Variants in PRRX1 observed in about 807,000 individuals in gnomAD.
The protein encoded by PRRX1 is paired mesoderm homeobox protein 1.
In PRRX1, 8 loss-of-function variants were observed where a neutral mutation model predicts 24.0. The ratio of observed to expected loss-of-function variants is 0.33; its 90% CI spans 0.20 to 0.60. The LOEUF is 0.60. Among genes scored for constraint, PRRX1 ranks in the 20% least tolerant of loss-of-function variants. The probability of loss-of-function intolerance (pLI) is 0.82; values close to 1 mark genes in which losing one functional copy is unlikely to be tolerated. For synonymous variants in PRRX1, 160 were observed against 131.7 expected (o/e 1.22, Z -1.47); for missense variants, 281 against 322.4 (o/e 0.87, Z 0.98).
At chr1:170,722,590 A>T (rs1363896509) in intron 2 of PRRX1, 1 of 152,184 alleles carries the variant, frequency 6.6e-6, no homozygotes, top group Non-Finnish European at 1.5e-5. Context: ...GGAAGGAATG[A>T]TCCAATCTGC....
At chr1:170,716,107 T>C (rs910980423) in intron 1 of PRRX1, among the ~76,000 whole-genome samples, 3 of 152,148 alleles carry the variant, frequency 2.0e-5, no homozygotes, top group Non-Finnish European at 4.4e-5. Context: ...ATTTCATGGG[T>C]TTCATTAGAT....
At chr1:170,722,876 G>A (rs929518858) in intron 2 of PRRX1, among the ~76,000 whole-genome samples, 1 of 152,166 alleles carries the variant, frequency 6.6e-6, no homozygotes, top group African/African-American at 2.4e-5. Flanking sequence ...TATCCGGTGT[G>A]AATATTTTTA....
intron 1 of PRRX1, among the ~76,000 whole-genome samples, chr1:170,692,818 T>C (rs187982529): frequency 6.6e-6 from 1 of 152,006 alleles, no homozygotes; most frequent in East Asian, 1.9e-4. Flanking sequence ...CTGAGACTTC[T>C]AGAATTTTTA....
intron 1 of PRRX1, among the ~76,000 whole-genome samples, chr1:170,707,852 G>A (rs1464813765): frequency 6.6e-6 from 1 of 152,062 alleles, no homozygotes; most frequent in East Asian, 1.9e-4. Flanking sequence ...TTAAAAATTG[G>A]AAAATTTTTA....
intron 1 of PRRX1, among the ~76,000 whole-genome samples, chr1:170,706,952 G>A (rs1654588430): frequency 6.6e-6 from 1 of 151,586 alleles, no homozygotes; most frequent in Admixed American, 6.6e-5. Context: ...AACATAGTGA[G>A]ACCCCAAACC....
intron 1 of PRRX1, among the ~76,000 whole-genome samples, chr1:170,672,572 T>C (rs1286819023): frequency 3.3e-5 from 5 of 152,180 alleles, no homozygotes; most frequent in Non-Finnish European, 7.3e-5. Flanking sequence ...TAAAAACAGA[T>C]GGGTGATCCC....
intron 1 of PRRX1, among the ~76,000 whole-genome samples, chr1:170,714,358 C>T (rs1654840492): frequency 6.6e-6 from 1 of 152,128 alleles, no homozygotes; most frequent in Non-Finnish European, 1.5e-5. Context: ...TTGTTCAATG[C>T]CCATAAAATG....
intron 1 of PRRX1, among the ~76,000 whole-genome samples, chr1:170,681,489 C>T (rs982101847): frequency 2.7e-4 from 33 of 122,050 alleles, no homozygotes; most frequent in African/African-American, 1.1e-3. Flanking sequence ...AAAATGTTAT[C>T]TTTGCAAAAA....
At chr1:170,686,509 A>G (rs1016201149) in intron 1 of PRRX1, among the ~76,000 whole-genome samples, 1 of 152,296 alleles carries the variant, frequency 6.6e-6, no homozygotes, top group East Asian at 1.9e-4. Context: ...GTGACCTGCC[A>G]AGGTCAGCAA....
At chr1:170,722,194 T>C (rs1395611145) in intron 2 of PRRX1, among the ~76,000 whole-genome samples, 1 of 152,142 alleles carries the variant, frequency 6.6e-6, no homozygotes, top group Non-Finnish European at 1.5e-5. Flanking sequence ...AGCCTACCTT[T>C]TCCCAGTCTG....
intron 1 of PRRX1, among the ~76,000 whole-genome samples, chr1:170,691,494 TCC>T (rs1653949438): frequency 7.0e-6 from 1 of 143,238 alleles, no homozygotes; most frequent in Non-Finnish European, 1.6e-5. Flanking sequence ...TCCTTTCCTT[TCC>T]TTTCCTTTCC....
At chr1:170,718,214 G>C (rs574473718) in intron 1 of PRRX1, among the ~76,000 whole-genome samples, 2 of 152,262 alleles carry the variant, frequency 1.3e-5, no homozygotes, top group South Asian at 4.1e-4. Flanking sequence ...ACTATATCTG[G>C]GTGCTTTAAT....
At chr1:170,734,507 T>C (rs1655543702) in intron 3 of PRRX1, among the ~76,000 whole-genome samples, 1 of 152,140 alleles carries the variant, frequency 6.6e-6, no homozygotes, top group Admixed American at 6.6e-5. Flanking sequence ...AAAAGTTTAG[T>C]GTGTTATAAA....
Position 170,666,791 on chromosome 1 carries a change from G to A in PRRX1, c.241+2332G>A, listed in dbSNP as rs77019107. 9.4e-3 allele frequency among the ~76,000 whole-genome samples: 1,434 copies of A among 152,218 alleles called. 22 individuals are homozygous for A. Among genetic ancestry groups the A allele is most frequent in the African/African-American group, 0.033 (1,373 of 41,540 alleles). ...ACCGGTTGTTTGGCTCTGAGTGGAC[G>A]CCACTCCCAAGAAGGGAGCTCGGGA... On this transcript the variant is annotated intron_variant, in intron 1 of 3. Transcript: ENST00000239461.
At chr1:170,731,491 T>G (rs992567749) in intron 3 of PRRX1, among the ~76,000 whole-genome samples, 24 of 152,318 alleles carry the variant, frequency 1.6e-4, no homozygotes, top group African/African-American at 5.8e-4. Flanking sequence ...AGCTATCAAT[T>G]GTTTTGTGAT....
chr1:170,722,779 T>C (rs1655130836), intron 2 of PRRX1: 1 of 152,258 alleles, frequency 6.6e-6, no homozygotes, highest in South Asian at 2.1e-4. Flanking sequence ...TTTTAAGTCA[T>C]GTTCAATGTT....
intron 1 of PRRX1, among the ~76,000 whole-genome samples, chr1:170,683,830 G>C (rs992596586): frequency 5.9e-5 from 9 of 152,172 alleles, no homozygotes; most frequent in African/African-American, 2.2e-4. Context: ...CTAGGTCTTA[G>C]TCTCTTCTTT....
Position 170,719,875 on chromosome 1 carries a change from G to T in PRRX1, c.391G>T (p.Val131Leu). 6.2e-7 allele frequency: 1 copy of T among 1,614,132 alleles called. No individual in the cohort carries two copies. The highest frequency in any genetic ancestry group is 2.2e-5 in the East Asian group (1 of 44,878). Residue 131 changes from valine to leucine, a missense_variant, in exon 2 of 4, where the codon GTG becomes TTG. By Grantham distance (32) the Val-to-Leu change is conservative. Coordinates refer to ENST00000239461, the MANE Select transcript of PRRX1 (RefSeq NM_022716.4). ...TGTGCGAGAAGACCTTGCCCGCCGG[G>T]TGAACCTCACCGAGGCGAGAGTGCA... ...AFVREDLARR[V>L]NLTEARVQVW...
chr1:170,711,780 T>G (rs1466362740), intron 1 of PRRX1, among the ~76,000 whole-genome samples: 5 of 152,216 alleles, frequency 3.3e-5, no homozygotes, highest in African/African-American at 1.2e-4. Context: ...TTTGTAATCC[T>G]AGTCAAATTC....
Sources: allele counts gnomAD v4.1 joint callset (sites outside exome capture counted in the v4.1 genomes callset), GRCh38; gene constraint gnomAD v4.1.1; transcripts MANE v1.5; gene names NCBI Gene and HGNC (gene_info 2026-07-23, HGNC 2026-07-21).